ADGRL3: variants seen among roughly 807,000 people sequenced by gnomAD.
ADGRL3 encodes the protein calcium-independent alpha-latrotoxin receptor 3.
In ADGRL3, 62 loss-of-function variants were observed where a neutral mutation model predicts 153.5. The observed-to-expected ratio is 0.40, with a 90% CI of 0.33 to 0.50. The LOEUF is 0.50. ADGRL3 is among the 20% of genes least tolerant of loss of function. The pLI, the probability that ADGRL3 is intolerant of heterozygous loss-of-function variation, is 0.47. For synonymous variants in ADGRL3, 710 were observed against 672.5 expected (o/e 1.06, Z -0.86); for missense variants, 1,641 against 1,859.4 (o/e 0.88, Z 2.16).
intron 3 of ADGRL3, among the ~76,000 whole-genome samples, chr4:61,509,767 C>G (rs1013480395): frequency 7.9e-5 from 12 of 151,952 alleles, no homozygotes; most frequent in Non-Finnish European, 1.6e-4. Flanking sequence ...ATTTATTTTC[C>G]TTTGGGTATA....
chr4:61,882,177 A>G (rs530247935), intron 9 of ADGRL3, among the ~76,000 whole-genome samples: 1 of 152,228 alleles, frequency 6.6e-6, no homozygotes, highest in Non-Finnish European at 1.5e-5. Context: ...AAGTTTAAAC[A>G]ATAATAATTG....
chr4:61,881,866 G>A (rs1010864377), intron 9 of ADGRL3, among the ~76,000 whole-genome samples: 3 of 152,042 alleles, frequency 2.0e-5, no homozygotes. Flanking sequence ...GTCAAAACTC[G>A]AGAAATAAAA....
chr4:61,459,382 T>C (rs2097786352), intron 2 of ADGRL3, among the ~76,000 whole-genome samples: 1 of 151,924 alleles, frequency 6.6e-6, no homozygotes, highest in Non-Finnish European at 1.5e-5. Flanking sequence ...GAAAATAAGA[T>C]ACAGAATCTT....
chr4:61,456,466 TATATCTATATCTATATATATAG>T, intron 2 of ADGRL3, among the ~76,000 whole-genome samples: 2 of 121,498 alleles, frequency 1.6e-5, no homozygotes, highest in Admixed American at 9.7e-5. Context: ...TATATATAGA[TATATCTATATCTATATATATAG>T]ATATATCTAT....
At chr4:61,591,560 G>C (rs760314190) in intron 5 of ADGRL3, among the ~76,000 whole-genome samples, 29 of 152,058 alleles carry the variant, frequency 1.9e-4, no homozygotes, top group Non-Finnish European at 3.4e-4. Context: ...GTTATTTCTG[G>C]AGGTATGGAA....
chr4:61,513,364 A>C (rs149896818), intron 3 of ADGRL3, among the ~76,000 whole-genome samples: 1 of 152,306 alleles, frequency 6.6e-6, no homozygotes, highest in African/African-American at 2.4e-5. Context: ...CACAGATAAT[A>C]TGAAAACTCT....
intron 1 of ADGRL3, among the ~76,000 whole-genome samples, chr4:61,299,895 C>T (rs994473401): frequency 1.4e-4 from 22 of 152,058 alleles, no homozygotes; most frequent in East Asian, 3.9e-4. Flanking sequence ...GTAGAATATA[C>T]GCCATCTATT....
intron 1 of ADGRL3, among the ~76,000 whole-genome samples, chr4:61,349,330 T>C (rs542715885): frequency 5.3e-5 from 8 of 152,230 alleles, no homozygotes; most frequent in East Asian, 3.9e-4. Context: ...AAGCAGATAA[T>C]AGTAATTTTT....
At chr4:61,749,699 G>A (rs1028129456) in intron 8 of ADGRL3, among the ~76,000 whole-genome samples, 4 of 151,914 alleles carry the variant, frequency 2.6e-5, no homozygotes, top group East Asian at 1.9e-4. Flanking sequence ...TCACACTCTC[G>A]GGACTGTTGT....
chr4:61,900,210 T>C (rs1268718762), intron 11 of ADGRL3, among the ~76,000 whole-genome samples: 4 of 152,172 alleles, frequency 2.6e-5, no homozygotes, highest in African/African-American at 9.7e-5. Context: ...ATTGCATAGG[T>C]AGCAATTATA....
intron 2 of ADGRL3, among the ~76,000 whole-genome samples, chr4:61,439,893 A>G (rs1448900920): frequency 1.3e-5 from 2 of 152,048 alleles, no homozygotes; most frequent in Non-Finnish European, 2.9e-5. Flanking sequence ...TCTCTTTTAT[A>G]CATGTACACA....
At chr4:61,362,242 A>C (rs931862294) in intron 1 of ADGRL3, among the ~76,000 whole-genome samples, 7 of 151,246 alleles carry the variant, frequency 4.6e-5, no homozygotes, top group Non-Finnish European at 1.0e-4. Context: ...ACCTCAAGTG[A>C]TCTGCCTTCC....
At chr4:61,683,078 A>T (rs909698600) in intron 6 of ADGRL3, among the ~76,000 whole-genome samples, 5 of 150,408 alleles carry the variant, frequency 3.3e-5, no homozygotes, top group African/African-American at 1.2e-4. Context: ...GTCTTCATGG[A>T]TGCTCTTCTA....
At chr4:61,914,569 A>G (rs115157994) in intron 13 of ADGRL3, among the ~76,000 whole-genome samples, 3,225 of 152,206 alleles carry the variant, frequency 0.021, 56 homozygotes, top group Non-Finnish European at 0.033. Context: ...GCATTTGTTC[A>G]GATTCTTCTG....
chr4:61,499,566 T>C (rs2098360757), intron 3 of ADGRL3, among the ~76,000 whole-genome samples: 1 of 152,188 alleles, frequency 6.6e-6, no homozygotes. Context: ...ATGTAAATAA[T>C]GTAGTACAGT....
At chr4:61,587,633 T>A (rs2098951736) in intron 5 of ADGRL3, among the ~76,000 whole-genome samples, 193 bp downstream of exon 5, 1 of 152,124 alleles carries the variant, frequency 6.6e-6, no homozygotes, top group African/African-American at 2.4e-5. Context: ...GTATTACAAT[T>A]TATTGGATTA....
chr4:61,820,489 G>C (rs1385473863), intron 9 of ADGRL3, among the ~76,000 whole-genome samples: 3 of 152,076 alleles, frequency 2.0e-5, no homozygotes, highest in Non-Finnish European at 4.4e-5. Flanking sequence ...TAAAAATAAG[G>C]TTCTGAATCA....
intron 6 of ADGRL3, among the ~76,000 whole-genome samples, chr4:61,724,668 T>C (rs1342936763): frequency 3.3e-5 from 5 of 152,316 alleles, no homozygotes; most frequent in African/African-American, 9.6e-5. Context: ...AGATTACTCC[T>C]CTCATTAAAT....
chr4:61,370,789 A>G (rs1300569098), intron 1 of ADGRL3, among the ~76,000 whole-genome samples: 14 of 152,030 alleles, frequency 9.2e-5, no homozygotes, highest in South Asian at 6.2e-4. Flanking sequence ...TATCCTTGTT[A>G]ACTTTCTGTC....
Sources: allele counts gnomAD v4.1 joint callset (sites outside exome capture counted in the v4.1 genomes callset), GRCh38; gene constraint gnomAD v4.1.1; transcripts MANE v1.5; gene names NCBI Gene and HGNC (gene_info 2026-07-23, HGNC 2026-07-21).